The following NFASC variants were observed in gnomAD, a reference collection of about 807,000 sequenced individuals.
NFASC encodes the protein neurofascin homolog.
In NFASC, 43 loss-of-function variants were observed where a neutral mutation model predicts 147.5. The observed-to-expected ratio is 0.29, with a 90% CI of 0.23 to 0.38. The LOEUF (loss-of-function observed/expected upper bound fraction) is 0.38. NFASC is among the 10% of genes least tolerant of loss of function. The pLI is 1.00. For synonymous variants in NFASC, 622 were observed against 665.5 expected (o/e 0.93, Z 1.01); for missense variants, 1,320 against 1,689.0 (o/e 0.78, Z 3.83).
chr1:205,018,143 GAGA>G lies in NFASC; in HGVS notation c.*1607_*1609del, dbSNP rs1157970129. ...CCAAAGGTACCTAGCCTCAGAGACAGAGAAGGAGAGGGGGAGATCTTGAGTCTA... is the reference window on the plus strand; with the variant it reads ...CCAAAGGTACCTAGCCTCAGAGACAGAGGAGAGGGGGAGATCTTGAGTCTA... On this transcript the variant is annotated 3_prime_UTR_variant, in exon 30 of 30. Transcript: ENST00000339876. 1 of 152,724 alleles carries G rather than the reference GAGA, an allele frequency of 6.5e-6. No homozygotes were observed. The highest frequency in any genetic ancestry group is 1.5e-5 in the Non-Finnish European group (1 of 68,072). The allele number at this position is 152,724 out of a possible 1,614,324, so 9.5% of individuals were successfully genotyped here.
intron 1 of NFASC, among the ~76,000 whole-genome samples, chr1:204,904,989 A>G (rs902349364): frequency 6.6e-6 from 1 of 152,168 alleles, no homozygotes. Flanking sequence ...CAAATGTCTA[A>G]TCTTATGATT....
At chr1:204,839,006 C>T (rs113481385) in intron 1 of NFASC, among the ~76,000 whole-genome samples, 1,957 of 152,358 alleles carry the variant, frequency 0.013, 35 homozygotes, top group African/African-American at 0.045. Flanking sequence ...GCCTGCCTAA[C>T]CTTACCATGA....
At chr1:204,992,676 C>T (rs1332986153) in intron 24 of NFASC, among the ~76,000 whole-genome samples, 1 of 152,134 alleles carries the variant, frequency 6.6e-6, no homozygotes, top group East Asian at 1.9e-4. Context: ...TCTCCCGTGA[C>T]GAAGAGGAAA....
At chr1:205,009,906 C>T (rs1364567555) in intron 28 of NFASC, 6 of 581,304 alleles carry the variant, frequency 1.0e-5, no homozygotes, top group African/African-American at 3.7e-5. Flanking sequence ...ACAGTCCAGG[C>T]GGCCTCAGAG....
At chr1:205,001,337 C>T (rs528131021) in intron 26 of NFASC, 51 bp downstream of exon 26, 77 of 1,189,894 alleles carry the variant, frequency 6.5e-5, no homozygotes, top group East Asian at 9.9e-5. Context: ...TCGGCAGCAG[C>T]GGCGGGTAGT....
chr1:204,877,447 T>C (rs1369332823), intron 1 of NFASC, among the ~76,000 whole-genome samples: 3 of 151,872 alleles, frequency 2.0e-5, no homozygotes, highest in East Asian at 3.9e-4. Flanking sequence ...AGGCAGTTGG[T>C]TGAAATCGGG....
intron 1 of NFASC, among the ~76,000 whole-genome samples, chr1:204,899,615 G>C (rs952172234): frequency 6.6e-6 from 1 of 152,152 alleles, no homozygotes; most frequent in African/African-American, 2.4e-5. Flanking sequence ...CTTCTCAAAA[G>C]CTCCCCTGGC....
intron 1 of NFASC, among the ~76,000 whole-genome samples, chr1:204,916,889 C>T (rs2089413144): frequency 6.6e-6 from 1 of 152,052 alleles, no homozygotes; most frequent in South Asian, 2.1e-4. Flanking sequence ...GGATTCTTTA[C>T]ACCTATTTCC....
At chr1:204,858,351 G>A (rs142855711) in intron 1 of NFASC, among the ~76,000 whole-genome samples, 11 of 152,092 alleles carry the variant, frequency 7.2e-5, no homozygotes, top group Non-Finnish European at 1.5e-4. Context: ...CACCCATACC[G>A]GGATAGAACA....
intron 2 of NFASC, among the ~76,000 whole-genome samples, chr1:204,936,599 G>A (rs1409099207): frequency 6.6e-6 from 1 of 152,192 alleles, no homozygotes; most frequent in Non-Finnish European, 1.5e-5. Flanking sequence ...GCACAGGGTG[G>A]GGGTCTTGTT....
intron 21 of NFASC, chr1:204,985,762 T>C: frequency 1.7e-6 from 1 of 605,534 alleles, no homozygotes; most frequent in Admixed American, 2.8e-5. Flanking sequence ...ATTAAAAGGC[T>C]GCTTCCTCAG....
chr1:204,871,123 C>T (rs1477330242), intron 1 of NFASC: 7 of 1,287,328 alleles, frequency 5.4e-6, no homozygotes, highest in African/African-American at 1.5e-5. Flanking sequence ...CACCCCATTC[C>T]TCCTGCTTTG....
chr1:204,944,205 C>G, intron 2 of NFASC, 21 bp from the exon 3 acceptor site: 3 of 1,543,708 alleles, frequency 1.9e-6, no homozygotes, highest in Non-Finnish European at 2.6e-6. Context: ...AACTCACTTG[C>G]TCTTATGTTT....
At chr1:204,985,437 C>T (rs1474579599) in intron 21 of NFASC, among the ~76,000 whole-genome samples, 2 of 152,240 alleles carry the variant, frequency 1.3e-5, no homozygotes, top group Non-Finnish European at 2.9e-5. Context: ...CCGGGGGTAA[C>T]TTGCTACCTT....
intron 1 of NFASC, among the ~76,000 whole-genome samples, chr1:204,886,936 C>A (rs1202263943): frequency 6.6e-6 from 1 of 152,072 alleles, no homozygotes; most frequent in Non-Finnish European, 1.5e-5. Context: ...ATTTTTATTT[C>A]ATCACAGGAA....
chr1:205,001,113 A>T (rs1014544119), intron 25 of NFASC, 57 bp from the exon 26 acceptor site: 9 of 1,000,082 alleles, frequency 9.0e-6, no homozygotes, highest in Admixed American at 7.8e-5. Flanking sequence ...GTGTGTCTCC[A>T]TATCTCTGGT....
chr1:204,853,626 C>T (rs918065762), intron 1 of NFASC, among the ~76,000 whole-genome samples: 1 of 152,162 alleles, frequency 6.6e-6, no homozygotes, highest in African/African-American at 2.4e-5. Context: ...TGCATGTGTC[C>T]TAAACACAGC....
At chr1:204,960,980 C>T (rs545634868) in intron 8 of NFASC, among the ~76,000 whole-genome samples, 74 of 152,320 alleles carry the variant, frequency 4.9e-4, no homozygotes, top group African/African-American at 1.8e-3. Context: ...TTGGATCTGT[C>T]GACAAATATG....
Position 204,975,170 on chromosome 1 carries a change from TTG to T in NFASC, c.1559-100_1559-99del, listed in dbSNP as rs2095368304. On this transcript the variant is annotated intron_variant, in intron 14 of 29. Coordinates refer to ENST00000339876, the MANE Select transcript of NFASC (RefSeq NM_001005388.3). This position sits in a 1 kb window ranked among gnomAD's most constrained non-coding sequence, Gnocchi z 4.0. ...ATACTGTTTGTGCCCCACTCCATAGTTGGCCCAAGGCCTCGAGGGCAGACATA... is the reference window on the plus strand; with the variant it reads ...ATACTGTTTGTGCCCCACTCCATAGTGCCCAAGGCCTCGAGGGCAGACATA... The T allele has an allele frequency of 7.5e-7, 1 of 1,331,130 alleles. No homozygotes were observed. 82.5% of individuals were successfully genotyped at this position (1,331,130 alleles called of 1,614,324 possible).
Sources: gnomAD v4.1 joint callset for allele counts (sites outside exome capture counted in the v4.1 genomes callset) on GRCh38, gnomAD v4.1.1 for gene constraint, Gnocchi (gnomAD v3.1) non-coding constraint, MANE v1.5 for transcripts, NCBI Gene and HGNC (gene_info 2026-07-23, HGNC 2026-07-21) for gene names.